ABTB3: variants seen among roughly 807,000 people sequenced by gnomAD.
The protein encoded by ABTB3 is ankyrin repeat and BTB domain containing 3.
At chr12:107,399,452 T>G in the ABTB3 span, among the ~76,000 whole-genome samples, 1 of 151,936 alleles carries the variant, frequency 6.6e-6, no homozygotes. Context: ...AACACCAGAC[T>G]CATACTCAGG....
the ABTB3 span, among the ~76,000 whole-genome samples, chr12:107,518,429 AATG>A: frequency 6.6e-6 from 1 of 152,226 alleles, no homozygotes; most frequent in African/African-American, 2.4e-5. Context: ...AGCCATAAAA[AATG>A]ATGAGTTCAT....
At chr12:107,523,582 T>A in the ABTB3 span, among the ~76,000 whole-genome samples, 1 of 152,238 alleles carries the variant, frequency 6.6e-6, no homozygotes. Context: ...TTTTCTTTTT[T>A]AATTAGCATG....
chr12:107,629,489 A>G, the ABTB3 span, among the ~76,000 whole-genome samples: 1 of 152,202 alleles, frequency 6.6e-6, no homozygotes, highest in Non-Finnish European at 1.5e-5. Flanking sequence ...CTGAGTCCAG[A>G]GGACCTGAAT....
the ABTB3 span, among the ~76,000 whole-genome samples, chr12:107,344,756 A>G: frequency 6.6e-6 from 1 of 152,236 alleles, no homozygotes; most frequent in Non-Finnish European, 1.5e-5. Flanking sequence ...TATTAAATTC[A>G]TTGTCCCTAG....
the ABTB3 span, among the ~76,000 whole-genome samples, chr12:107,392,040 G>C: frequency 1.3e-5 from 2 of 152,188 alleles, no homozygotes; most frequent in African/African-American, 4.8e-5. Context: ...CTGAGCACCG[G>C]TTTTCTCACC....
the ABTB3 span, among the ~76,000 whole-genome samples, chr12:107,608,560 C>CA: frequency 3.9e-5 from 6 of 152,156 alleles, no homozygotes; most frequent in Non-Finnish European, 5.9e-5. Flanking sequence ...TCTGCTCTCT[C>CA]ATCTCCTATC....
At chr12:107,394,930 T>C in the ABTB3 span, among the ~76,000 whole-genome samples, 1 of 152,166 alleles carries the variant, frequency 6.6e-6, no homozygotes, top group South Asian at 2.1e-4. Context: ...TGTACAGACG[T>C]CTTGGGTTTC....
At chr12:107,605,815 G>T in the ABTB3 span, among the ~76,000 whole-genome samples, 1 of 152,232 alleles carries the variant, frequency 6.6e-6, no homozygotes, top group Non-Finnish European at 1.5e-5. Flanking sequence ...CCCAGGTGGG[G>T]CAGCAGAGGT....
the ABTB3 span, among the ~76,000 whole-genome samples, chr12:107,379,940 C>T: frequency 6.6e-6 from 1 of 152,174 alleles, no homozygotes. Context: ...ACCCCAACAC[C>T]TCACAGTGTT....
chr12:107,442,043 G>T, the ABTB3 span, among the ~76,000 whole-genome samples: 1 of 152,186 alleles, frequency 6.6e-6, no homozygotes, highest in Non-Finnish European at 1.5e-5. Context: ...CGCGATTTTA[G>T]TAAGTCTGGC....
the ABTB3 span, among the ~76,000 whole-genome samples, chr12:107,372,099 G>A: frequency 2.0e-5 from 3 of 152,160 alleles, no homozygotes; most frequent in Admixed American, 1.3e-4. Flanking sequence ...TATATTTTCT[G>A]TAAGTTGCTT....
the ABTB3 span, among the ~76,000 whole-genome samples, chr12:107,616,806 C>G: frequency 3.9e-5 from 6 of 152,218 alleles, no homozygotes; most frequent in Non-Finnish European, 7.3e-5. Flanking sequence ...AATGCAGACT[C>G]TCATTCAGTA....
At chr12:107,410,989 G>A in the ABTB3 span, among the ~76,000 whole-genome samples, 2 of 152,092 alleles carry the variant, frequency 1.3e-5, no homozygotes, top group African/African-American at 2.4e-5. Context: ...CACTAGCCAC[G>A]TGTAGTTACT....
chr12:107,367,461 A>AG, the ABTB3 span, among the ~76,000 whole-genome samples: 10 of 152,032 alleles, frequency 6.6e-5, no homozygotes, highest in African/African-American at 2.4e-4. Context: ...TCATTATGCA[A>AG]GGGCTCTCTC....
chr12:107,394,434 G>C, the ABTB3 span, among the ~76,000 whole-genome samples: 1 of 152,098 alleles, frequency 6.6e-6, no homozygotes, highest in African/African-American at 2.4e-5. Context: ...TTCTGATCTT[G>C]GCTTCTCTGG....
At chr12:107,464,647 G>T in the ABTB3 span, among the ~76,000 whole-genome samples, 7 of 152,178 alleles carry the variant, frequency 4.6e-5, no homozygotes, top group Non-Finnish European at 8.8e-5. Context: ...AAAACAGTGA[G>T]GGACTGAGCC....
the ABTB3 span, among the ~76,000 whole-genome samples, chr12:107,372,576 T>C: frequency 6.6e-6 from 1 of 152,130 alleles, no homozygotes; most frequent in Non-Finnish European, 1.5e-5. Flanking sequence ...AATAAACCCC[T>C]GACCTCCTCT....
At chr12:107,447,562 C>T in the ABTB3 span, among the ~76,000 whole-genome samples, 1 of 152,196 alleles carries the variant, frequency 6.6e-6, no homozygotes, top group South Asian at 2.1e-4. Flanking sequence ...GAGATGCAGG[C>T]AGTGAGAAAG....
chr12:107,518,123 G>A, the ABTB3 span, among the ~76,000 whole-genome samples: 7 of 152,206 alleles, frequency 4.6e-5, no homozygotes, highest in Non-Finnish European at 8.8e-5. Flanking sequence ...AGGTGCTGGA[G>A]AGGATGTGGA....
Sources: gnomAD v4.1 joint callset for allele counts (sites outside exome capture counted in the v4.1 genomes callset) on GRCh38, gnomAD v4.1.1 for gene constraint, MANE v1.5 for transcripts, NCBI Gene and HGNC (gene_info 2026-07-23, HGNC 2026-07-21) for gene names.